The following TRAPPC6B variants were observed in gnomAD, a reference collection of about 807,000 sequenced individuals.
TRAPPC6B encodes trafficking protein particle complex subunit 6B.
Under a neutral mutation model 24.7 loss-of-function variants are expected in TRAPPC6B, and 27 were observed. The ratio of observed to expected loss-of-function variants is 1.09; its 90% confidence interval spans 0.81 to 1.51. TRAPPC6B has a LOEUF of 1.51. TRAPPC6B is among the 40% of genes most tolerant of loss of function. TRAPPC6B has a pLI of 0.00. For missense variants in TRAPPC6B, 212 were observed against 190.8 expected (o/e 1.11, Z -0.66); for synonymous variants, 80 against 66.6 (o/e 1.20, Z -0.98).
chr14:39,154,325 T>G, intron 3 of TRAPPC6B, 31 bp from the exon 4 acceptor site: 1 of 1,309,648 alleles, frequency 7.6e-7, no homozygotes, highest in South Asian at 1.2e-5. Context: ...AAATCCAAAG[T>G]CAATGTACCT....
At chr14:39,160,280 T>C (rs2053040284) in intron 1 of TRAPPC6B, among the ~76,000 whole-genome samples, 1 of 151,810 alleles carries the variant, frequency 6.6e-6, no homozygotes, top group Non-Finnish European at 1.5e-5. Flanking sequence ...CCAAGTCTTT[T>C]AATAGAAACA....
In TRAPPC6B at chr14:39,150,303, A is replaced by C; in HGVS notation, c.*47T>G. ...TCACTACTTGAAATACTTTTACATG[A>C]ATAATTTATCTCTTTACACTGTTGA... is the stretch of plus-strand genomic sequence containing the variant. On this transcript the variant is annotated 3_prime_UTR_variant, in exon 6 of 6. Transcript: ENST00000330149. 1 of 1,489,950 alleles carries C rather than the reference A, an allele frequency of 6.7e-7. No homozygotes were observed. The highest frequency in any genetic ancestry group is 9.2e-7 in the Non-Finnish European group (1 of 1,092,666). 92.3% of individuals were successfully genotyped at this position (1,489,950 alleles called of 1,614,324 possible).
At chr14:39,157,531 GCA>G (rs2052997318) in intron 3 of TRAPPC6B, 1 of 411,048 alleles carries the variant, frequency 2.4e-6, no homozygotes, top group Non-Finnish European at 4.8e-6. Flanking sequence ...GGTGGTGACT[GCA>G]CACTATGTGG....
chr14:39,151,093 T>C (rs1192296295), intron 5 of TRAPPC6B, among the ~76,000 whole-genome samples: 3 of 152,068 alleles, frequency 2.0e-5, no homozygotes, highest in Non-Finnish European at 2.9e-5. Context: ...AACAATTGTT[T>C]AAAAATAGCA....
intron 3 of TRAPPC6B, among the ~76,000 whole-genome samples, chr14:39,155,429 C>T (rs956935675): frequency 3.9e-5 from 6 of 152,002 alleles, no homozygotes; most frequent in Admixed American, 2.0e-4. Context: ...TTAGTAGAGA[C>T]GGGGTTTCTC....
At position 39,164,076 on chromosome 14, in the gene TRAPPC6B, TATC is replaced by T. The variant is rs2053084004; in HGVS notation, c.82-4529_82-4527del. On this transcript the variant is annotated intron_variant, in intron 1 of 5. Transcript: ENST00000330149. ...TACCCTTACTTCTTAAGTAAAGCCT[TATC>T]ATTTCTCTCCTGGTTTTTAGCTATA... 2.8e-5 allele frequency among the ~76,000 whole-genome samples: 4 copies of T among 143,594 alleles called. No individual in the cohort carries two copies. In the South Asian group the frequency reaches 8.3e-4, roughly 30 times the overall value. 94.2% of individuals were successfully genotyped at this position (143,594 alleles called of 152,430 possible). A position where few individuals can be genotyped will look rare whatever the true frequency, so the allele number is the denominator to read the frequency against.
In TRAPPC6B at chr14:39,148,384, TCTCTAGGCTAGGGAAGCA is replaced by T. The variant is rs2052878069; in HGVS notation, c.*1948_*1965del. On this transcript the variant is annotated 3_prime_UTR_variant, in exon 6 of 6. Coordinates refer to ENST00000330149, the MANE Select transcript of TRAPPC6B (RefSeq NM_001079537.2). ...CACAGAATCTAATCAACACTCACCC[TCTCTAGGCTAGGGAAGCA>T]CCCTATTCTATAGCACAAGGCAGCC... is the stretch of plus-strand genomic sequence containing the variant. 1 of 312,940 alleles carries T rather than the reference TCTCTAGGCTAGGGAAGCA, an allele frequency of 3.2e-6. No homozygotes were observed. Among genetic ancestry groups the T allele is most frequent in the South Asian group, 1.6e-4 (1 of 6,192 alleles). 19.4% of individuals were successfully genotyped at this position (312,940 alleles called of 1,614,324 possible).
Position 39,150,251 on chromosome 14 carries a change from C to A in TRAPPC6B, c.*99G>T, listed in dbSNP as rs1250628503. 1 of 1,038,858 alleles carries A rather than the reference C, an allele frequency of 9.6e-7. No homozygotes were observed. Among genetic ancestry groups the A allele is most frequent in the Non-Finnish European group, 1.4e-6 (1 of 708,234 alleles). 64.4% of individuals were successfully genotyped at this position (1,038,858 alleles called of 1,614,324 possible). ...ATAAAAATACATGCTTACTCCTGTA[C>A]AAACATCGAACAATGTAATTAAATC... On this transcript the variant is annotated 3_prime_UTR_variant, in exon 6 of 6. Coordinates refer to ENST00000330149, the MANE Select transcript of TRAPPC6B (RefSeq NM_001079537.2).
intron 4 of TRAPPC6B, among the ~76,000 whole-genome samples, chr14:39,152,894 TG>T (rs1384140558): frequency 1.3e-5 from 2 of 152,214 alleles, no homozygotes; most frequent in African/African-American, 4.8e-5. Context: ...AGAGAAAATA[TG>T]CCAGGCATGG....
chr14:39,168,401 T>A (rs1284198537), intron 1 of TRAPPC6B, among the ~76,000 whole-genome samples: 3 of 152,090 alleles, frequency 2.0e-5, no homozygotes. Flanking sequence ...TTGAGGTCAA[T>A]AATAAAGTCA....
chr14:39,157,885 AAAAATAATT>A (rs1173657011), intron 3 of TRAPPC6B: 2 of 165,042 alleles, frequency 1.2e-5, no homozygotes, highest in Non-Finnish European at 2.6e-5. Flanking sequence ...TTCTGTATAT[AAAAATAATT>A]AAAATAATCC....
rs2052884374 is a variant in TRAPPC6B, at chr14:39,148,797, T to C, written c.*1553A>G. Reference sequence around the variant, plus strand: ...AAGGGGATACATTCTGAGAAATGCATCATCATTAGGAGATTTTAAAATTGT... The same window carrying C: ...AAGGGGATACATTCTGAGAAATGCACCATCATTAGGAGATTTTAAAATTGT... On this transcript the variant is annotated 3_prime_UTR_variant, in exon 6 of 6. Transcript: ENST00000330149. 8 of 398,228 alleles carry C rather than the reference T, an allele frequency of 2.0e-5. No homozygotes were observed. The highest frequency in any genetic ancestry group is 3.5e-5 in the Non-Finnish European group (8 of 225,942). 24.7% of individuals were successfully genotyped at this position (398,228 alleles called of 1,614,324 possible).
intron 1 of TRAPPC6B, among the ~76,000 whole-genome samples, chr14:39,167,663 A>G (rs1212561732): frequency 6.6e-6 from 1 of 152,154 alleles, no homozygotes; most frequent in Non-Finnish European, 1.5e-5. Context: ...AGACTACCAC[A>G]TAACTGTTAT....
rs745742309 is a variant in TRAPPC6B at position 39,169,996 on chromosome 14, G to A, written c.81+19C>T. ...TGTGTCACCGCAAAAGGACCTCAAG[G>A]TTGTGTGGCAGCACTCACCACCTCC... On this transcript the variant is annotated intron_variant, in intron 1 of 5. Coordinates refer to ENST00000330149, the MANE Select transcript of TRAPPC6B (RefSeq NM_001079537.2). 22 of 1,613,128 alleles carry A rather than the reference G, an allele frequency of 1.4e-5. No individual in the cohort carries two copies. The highest frequency in any genetic ancestry group is 1.8e-5 in the Non-Finnish European group (21 of 1,179,264).
At chr14:39,166,255 T>TAAAAAAAA (rs907540561) in intron 1 of TRAPPC6B, among the ~76,000 whole-genome samples, 5 of 106,764 alleles carry the variant, frequency 4.7e-5, no homozygotes, top group Non-Finnish European at 1.1e-4. Flanking sequence ...ACTTGTCTCT[T>TAAAAAAAA]AAAAAAAAAA....
At chr14:39,161,092 G>A (rs2053053249) in intron 1 of TRAPPC6B, among the ~76,000 whole-genome samples, 1 of 152,128 alleles carries the variant, frequency 6.6e-6, no homozygotes, top group Non-Finnish European at 1.5e-5. Context: ...ATTTAAAATA[G>A]CTATTATAAA....
At chr14:39,163,344 C>G (rs2053078082) in intron 1 of TRAPPC6B, among the ~76,000 whole-genome samples, 2 of 145,058 alleles carry the variant, frequency 1.4e-5, no homozygotes, top group Non-Finnish European at 1.5e-5. Flanking sequence ...GCACTCCAGT[C>G]TGGGTGACAG....
chr14:39,152,325 A>G (rs1242811049), intron 4 of TRAPPC6B, among the ~76,000 whole-genome samples: 2 of 152,160 alleles, frequency 1.3e-5, no homozygotes, highest in African/African-American at 4.8e-5. Flanking sequence ...AAGAATCTTG[A>G]CTTGTTCAAG....
Position 39,170,101 on chromosome 14 carries a change from G to C in TRAPPC6B, c.-6C>G. ...AACAACGCCTCATCCGCCATTTCCT[G>C]CTAATTCTTCCAAGCTTCGAGTTTT... is the stretch of plus-strand genomic sequence containing the variant. On this transcript the variant is annotated 5_prime_UTR_variant, in exon 1 of 6. Transcript: ENST00000330149. 6.2e-7 allele frequency: 1 copy of C among 1,614,064 alleles called. No individual in the cohort carries two copies. Among genetic ancestry groups the C allele is most frequent in the Admixed American group, 1.7e-5 (1 of 59,998 alleles).
Sources: allele counts gnomAD v4.1 joint callset (sites outside exome capture counted in the v4.1 genomes callset), GRCh38; gene constraint gnomAD v4.1.1; transcripts MANE v1.5; gene names NCBI Gene and HGNC (gene_info 2026-07-23, HGNC 2026-07-21).